The following PTPA variants were observed in gnomAD, a reference collection of about 807,000 sequenced individuals.
PTPA encodes protein phosphatase 2 phosphatase activator, also known as serine/threonine-protein phosphatase 2A activator.
A neutral mutation model predicts 43.6 loss-of-function variants in PTPA; 13 were observed. The observed-to-expected ratio is 0.30, with a 90% confidence interval of 0.19 to 0.47. The LOEUF (loss-of-function observed/expected upper bound fraction) is 0.47, where lower values mean the gene tolerates loss of function less well. Among genes scored for constraint, PTPA ranks in the 20% least tolerant of loss-of-function variants. The pLI, the probability that PTPA is intolerant of heterozygous loss-of-function variation, is 0.99. For synonymous variants in PTPA, 172 were observed against 158.2 expected, an observed-to-expected ratio of 1.09 and a Z score of -0.66; for missense variants, 329 against 411.9, an observed-to-expected ratio of 0.80 and a Z score of 1.74.
At position 129,118,531 on chromosome 9, in the gene PTPA, A is replaced by G. The variant is rs2131548160; in HGVS notation, c.32-1982A>G. ...TGGGATTATAGGCATGCGCCACCAC[A>G]CCTGAATAATTTTATATTTTTAGTA... On this transcript the variant is annotated intron_variant, in intron 1 of 9. Coordinates refer to ENST00000393370, the MANE Select transcript of PTPA (RefSeq NM_178000.3). Among the ~76,000 whole-genome samples, 4 of 151,824 alleles carry G rather than the reference A, an allele frequency of 2.6e-5. No homozygotes were observed. In the South Asian group the frequency reaches 8.3e-4, roughly 32 times the overall value.
chr9:129,119,399 G>A (rs1849102175), intron 1 of PTPA: 1 of 151,620 alleles, frequency 6.6e-6, no homozygotes, highest in Admixed American at 6.6e-5. Flanking sequence ...AATGTTTACT[G>A]CAATTAGGTT....
chr9:129,131,005 C>G (rs1367325164), intron 4 of PTPA, among the ~76,000 whole-genome samples: 1 of 152,214 alleles, frequency 6.6e-6, no homozygotes, highest in South Asian at 2.1e-4. Flanking sequence ...TTTTTCTTTG[C>G]TGTGTAGTAT....
chr9:129,147,321 T>G, intron 9 of PTPA, 66 bp from the exon 10 acceptor site: 2 of 1,521,266 alleles, frequency 1.3e-6, no homozygotes, highest in South Asian at 1.1e-5. Context: ...CTGCTGCGGT[T>G]GTTGGGGTCC....
At chr9:129,111,773 G>T in intron 1 of PTPA, 142 bp downstream of exon 1, 1 of 1,227,904 alleles carries the variant, frequency 8.1e-7, no homozygotes, top group Non-Finnish European at 1.0e-6. Flanking sequence ...GGACTGAGTT[G>T]AATGGCCTTA....
intron 1 of PTPA, among the ~76,000 whole-genome samples, chr9:129,112,570 G>A (rs1422912358): frequency 1.3e-5 from 2 of 152,222 alleles, no homozygotes; most frequent in Non-Finnish European, 2.9e-5. Flanking sequence ...GGTGAACAAA[G>A]AGCTGGGTTC....
intron 1 of PTPA, among the ~76,000 whole-genome samples, chr9:129,112,340 G>A (rs1357549964): frequency 6.6e-6 from 1 of 152,202 alleles, no homozygotes; most frequent in East Asian, 1.9e-4. Flanking sequence ...AGAAGGAGAA[G>A]GCTGTTTGCC....
intron 3 of PTPA, among the ~76,000 whole-genome samples, chr9:129,126,051 G>A (rs1453023979): frequency 2.0e-5 from 3 of 152,038 alleles, no homozygotes; most frequent in African/African-American, 7.2e-5. Context: ...CGGAGGTGGA[G>A]TCAGGAGAAT....
At position 129,111,457 on chromosome 9, in the gene PTPA, G is replaced by A; in HGVS notation, c.-144G>A. ...CTTCGCTGTGGTGACTTTAACTCTCGGTTTTCGGTTATAGCCGGCCGGCGC... is the reference window on the plus strand; with the variant it reads ...CTTCGCTGTGGTGACTTTAACTCTCAGTTTTCGGTTATAGCCGGCCGGCGC... On this transcript the variant is annotated 5_prime_UTR_variant, in exon 1 of 10. Transcript: ENST00000393370. 5 of 1,256,776 alleles carry A rather than the reference G, an allele frequency of 4.0e-6. No individual in the cohort carries two copies. The highest frequency in any genetic ancestry group is 4.2e-5 in the Admixed American group (1 of 23,714). The allele number at this position is 1,256,776 out of a possible 1,614,324, so 77.9% of individuals were successfully genotyped here. A position where few individuals can be genotyped will look rare whatever the true frequency, so the allele number is the denominator to read the frequency against.
At chr9:129,122,720 A>G (rs1849323228) in intron 2 of PTPA, among the ~76,000 whole-genome samples, 1 of 152,150 alleles carries the variant, frequency 6.6e-6, no homozygotes, top group African/African-American at 2.4e-5. Flanking sequence ...CTTCTCTTGA[A>G]ATCTTGGTTT....
intron 9 of PTPA, 133 bp from the exon 10 acceptor site, chr9:129,147,254 G>A (rs1851365912): frequency 2.6e-6 from 2 of 769,362 alleles, no homozygotes; most frequent in Middle Eastern, 3.4e-4. Flanking sequence ...GGGGGAGGAA[G>A]GCCTGGGGGA....
chr9:129,111,842 G>C, intron 1 of PTPA: 1 of 1,196,606 alleles, frequency 8.4e-7, no homozygotes. Context: ...CAAAGGGGTG[G>C]TGATTGGGGC....
chr9:129,117,236 G>C (rs1380940402), intron 1 of PTPA, among the ~76,000 whole-genome samples: 1 of 151,924 alleles, frequency 6.6e-6, no homozygotes, highest in African/African-American at 2.4e-5. Flanking sequence ...TTGTAGAGAT[G>C]GGGTTTGGCC....
intron 3 of PTPA, among the ~76,000 whole-genome samples, chr9:129,126,391 G>C (rs966643583): frequency 2.0e-5 from 3 of 151,738 alleles, no homozygotes; most frequent in Non-Finnish European, 4.4e-5. Context: ...TGTTGGTCAG[G>C]CTGGTCTCGA....
intron 9 of PTPA, among the ~76,000 whole-genome samples, chr9:129,144,501 G>A (rs1851149267): frequency 6.6e-6 from 1 of 152,088 alleles, no homozygotes; most frequent in Non-Finnish European, 1.5e-5. Context: ...CACTTTGGGA[G>A]GCCGAGGTGG....
chr9:129,120,600 A>G lies in PTPA; in HGVS notation c.119A>G (p.Lys40Arg), dbSNP rs754032725. Residue 40 changes from lysine (K) to arginine (R), a missense_variant, in exon 2 of 10, where the codon AAG (lysine) becomes AGG (arginine). Physicochemically the swap from Lys to Arg is conservative, Grantham distance 26. Coordinates refer to ENST00000393370, the MANE Select transcript of PTPA (RefSeq NM_178000.3). ...IHTVPDMGKW[K>R]RSQAYADYIG... ...ACAGTTCCAGACATGGGCAAATGGA[A>G]GCGTTCTCAGGTACCATTTGGAACT... The G allele has an allele frequency of 3.1e-6, 5 of 1,612,284 alleles. No individual in the cohort carries two copies. The South Asian group carries it at 5.5e-5, about 18-fold the overall frequency.
intron 8 of PTPA, among the ~76,000 whole-genome samples, chr9:129,141,099 C>A (rs967814630): frequency 6.6e-6 from 1 of 151,880 alleles, no homozygotes; most frequent in Admixed American, 6.6e-5. Context: ...TTTGGATGGG[C>A]TTTTTGGGAA....
At chr9:129,121,413 A>G (rs1849242347) in intron 2 of PTPA, among the ~76,000 whole-genome samples, 1 of 152,148 alleles carries the variant, frequency 6.6e-6, no homozygotes, top group Non-Finnish European at 1.5e-5. Flanking sequence ...CTGCCCTCTC[A>G]GTATTTGGAA....
intron 8 of PTPA, 102 bp from the exon 9 acceptor site, chr9:129,142,335 CGTTTGTGT>C (rs1564202353): frequency 3.6e-6 from 3 of 833,678 alleles, no homozygotes. Flanking sequence ...TGTGCGTGTG[CGTTTGTGT>C]GTGTGTGTGT....
At chr9:129,139,122 C>T (rs4836640) in intron 8 of PTPA, among the ~76,000 whole-genome samples, 1,982 of 152,344 alleles carry the variant, frequency 0.013, 51 homozygotes, top group East Asian at 0.12. Context: ...CCCCCGGCGG[C>T]TGGCCAGGCC....
Sources: allele counts gnomAD v4.1 joint callset (sites outside exome capture counted in the v4.1 genomes callset), GRCh38; gene constraint gnomAD v4.1.1; transcripts MANE v1.5; gene names NCBI Gene and HGNC (gene_info 2026-07-23, HGNC 2026-07-21).